Variants in MCF2L2 observed in about 807,000 individuals in gnomAD.
MCF2L2 encodes MCF.2 cell line derived transforming sequence-like 2.
Under a neutral mutation model 150.2 loss-of-function variants are expected in MCF2L2, and 102 were observed. The ratio of observed to expected loss-of-function variants is 0.68; its 90% CI spans 0.58 to 0.80. The LOEUF is 0.80. MCF2L2 is among the 30% of genes least tolerant of loss of function. The probability of loss-of-function intolerance (pLI) is 0.00; values close to 1 mark genes in which losing one functional copy is unlikely to be tolerated. For synonymous variants in MCF2L2, 465 were observed against 491.3 expected, an observed-to-expected ratio of 0.95 and a Z score of 0.71; for missense variants, 1,256 against 1,372.8, an observed-to-expected ratio of 0.91 and a Z score of 1.34.
chr3:183,316,903 AC>A (rs1169986243), intron 7 of MCF2L2, among the ~76,000 whole-genome samples: 2 of 144,348 alleles, frequency 1.4e-5, no homozygotes, highest in African/African-American at 5.2e-5. Flanking sequence ...ACAGGGTTTC[AC>A]CATGTTGGCC....
At chr3:183,367,231 T>C (rs544801078) in intron 3 of MCF2L2, among the ~76,000 whole-genome samples, 115 of 151,422 alleles carry the variant, frequency 7.6e-4, no homozygotes, top group African/African-American at 2.6e-3. Context: ...TTCTTTCTTT[T>C]TTTTTTTTTT....
chr3:183,295,580 T>G, intron 12 of MCF2L2, 103 bp from the exon 13 acceptor site: 2 of 1,138,036 alleles, frequency 1.8e-6, no homozygotes, highest in Non-Finnish European at 2.6e-6. Context: ...CCCCCATCCC[T>G]ACCTCCCTCA....
chr3:183,423,768 A>G (rs1716017499), intron 1 of MCF2L2, among the ~76,000 whole-genome samples: 1 of 150,658 alleles, frequency 6.6e-6, no homozygotes, highest in East Asian at 2.0e-4. Context: ...CCTCCCAAGT[A>G]GCTGGGATTA....
At chr3:183,348,970 G>GT (rs1731008011) in intron 3 of MCF2L2, among the ~76,000 whole-genome samples, 1 of 152,144 alleles carries the variant, frequency 6.6e-6, no homozygotes, top group South Asian at 2.1e-4. Flanking sequence ...CCAAAAATTA[G>GT]TAAGAACATA....
chr3:183,405,135 A>C (rs1443265176), intron 1 of MCF2L2, among the ~76,000 whole-genome samples: 6 of 152,218 alleles, frequency 3.9e-5, no homozygotes, highest in African/African-American at 1.4e-4. Context: ...TATTATACAT[A>C]TAAAGAAAGC....
At chr3:183,216,440 T>A (rs916567829) in intron 21 of MCF2L2, among the ~76,000 whole-genome samples, 5 of 141,848 alleles carry the variant, frequency 3.5e-5, no homozygotes, top group Non-Finnish European at 6.1e-5. Flanking sequence ...ATATAAATAT[T>A]TATATAGTAT....
chr3:183,203,280 C>T (rs941520689), intron 25 of MCF2L2, among the ~76,000 whole-genome samples: 2 of 151,956 alleles, frequency 1.3e-5, no homozygotes, highest in Admixed American at 6.6e-5. Flanking sequence ...CTTTACTAGA[C>T]CAATACTTTA....
At chr3:183,317,770 G>A (rs1010000413) in intron 7 of MCF2L2, among the ~76,000 whole-genome samples, 8 of 152,158 alleles carry the variant, frequency 5.3e-5, no homozygotes, top group Admixed American at 1.3e-4. Flanking sequence ...CAGCTCACCC[G>A]GACAAAGCTG....
intron 1 of MCF2L2, among the ~76,000 whole-genome samples, chr3:183,403,567 G>A (rs577698247): frequency 6.6e-6 from 1 of 152,310 alleles, no homozygotes; most frequent in East Asian, 1.9e-4. Flanking sequence ...GTCTCATTTG[G>A]TGAAGGGGCT....
chr3:183,221,757 G>A (rs1053502692), intron 20 of MCF2L2, among the ~76,000 whole-genome samples: 5 of 152,184 alleles, frequency 3.3e-5, no homozygotes, highest in Non-Finnish European at 5.9e-5. Context: ...GAAAGAAGCA[G>A]ATCATTATCC....
At position 183,198,943 on chromosome 3, in the gene MCF2L2, T is replaced by G. The variant is rs192162350; in HGVS notation, c.2885-3688A>C. Among the ~76,000 whole-genome samples the G allele has an allele frequency of 6.4e-4, 98 of 152,314 alleles. 1 individual carries two copies. The Middle Eastern group carries it at 0.014, about 21-fold the overall frequency. Reference sequence around the variant, plus strand: ...ACCATGACATATATTTAACATAATATTAATAGTTGTAAAACAAAAGTAAAC... The same window carrying G: ...ACCATGACATATATTTAACATAATAGTAATAGTTGTAAAACAAAAGTAAAC... On this transcript the variant is annotated intron_variant, in intron 25 of 29. Transcript: ENST00000328913.
chr3:183,179,829 G>A lies in MCF2L2; in HGVS notation c.3106-137C>T. 1.0e-5 allele frequency: 8 copies of A among 794,390 alleles called. No homozygotes were observed. The highest frequency in any genetic ancestry group is 8.3e-6 in the Non-Finnish European group (4 of 481,720). The allele number at this position is 794,390 out of a possible 1,614,324, so 49.2% of individuals were successfully genotyped here. ...CTGGGCCACGGGGCTCTCAGCGGGA[G>A]CCCCAGTTATGACCGGACACCAGCG... On this transcript the variant is annotated intron_variant, in intron 28 of 29. Coordinates refer to ENST00000328913, the MANE Select transcript of MCF2L2 (RefSeq NM_015078.4). This position sits in a 1 kb window ranked among gnomAD's most constrained non-coding sequence, Gnocchi z 4.2.
In MCF2L2 at chr3:183,180,392, C is replaced by G. The variant is rs530517506; in HGVS notation, c.3017-233G>C. On this transcript the variant is annotated intron_variant, in intron 27 of 29. Coordinates refer to ENST00000328913, the MANE Select transcript of MCF2L2 (RefSeq NM_015078.4). ...CGAGAAGGCGCGTCCACATGCTGTT[C>G]ATGGCCCTACCTCCCCGTTCCTCCA... 1.5e-5 allele frequency: 7 copies of G among 467,622 alleles called. No individual in the cohort carries two copies. In the Admixed American group the frequency reaches 2.7e-4, roughly 18 times the overall value. The allele number at this position is 467,622 out of a possible 1,614,324, so 29.0% of individuals were successfully genotyped here.
chr3:183,207,287 T>C (rs1327126955), intron 23 of MCF2L2, among the ~76,000 whole-genome samples: 2 of 152,240 alleles, frequency 1.3e-5, no homozygotes, highest in African/African-American at 4.8e-5. Context: ...ATCCAGCCCA[T>C]GTTCTCATCA....
At chr3:183,379,483 G>T in intron 2 of MCF2L2, 72 bp from the exon 3 acceptor site, 1 of 998,448 alleles carries the variant, frequency 1.0e-6, no homozygotes, top group Non-Finnish European at 1.5e-6. Flanking sequence ...GAAGTTGGGC[G>T]AAAGAATATC....
At chr3:183,340,762 G>A (rs1730663506) in intron 4 of MCF2L2, among the ~76,000 whole-genome samples, 1 of 152,010 alleles carries the variant, frequency 6.6e-6, no homozygotes. Context: ...AGTCAACATG[G>A]TGAAACCCCG....
intron 15 of MCF2L2, among the ~76,000 whole-genome samples, chr3:183,232,534 T>C (rs1723606850): frequency 6.6e-6 from 1 of 152,358 alleles, no homozygotes; most frequent in Middle Eastern, 3.4e-3. Context: ...TGAGTGTTTA[T>C]ACATGTGTCC....
At chr3:183,232,538 T>C (rs1337497926) in intron 15 of MCF2L2, among the ~76,000 whole-genome samples, 1 of 152,236 alleles carries the variant, frequency 6.6e-6, no homozygotes, top group Non-Finnish European at 1.5e-5. Flanking sequence ...TGTTTATACA[T>C]GTGTCCTTGT....
At chr3:183,369,921 T>C (rs1223891453) in intron 3 of MCF2L2, among the ~76,000 whole-genome samples, 1 of 152,222 alleles carries the variant, frequency 6.6e-6, no homozygotes. Flanking sequence ...ATTCACAAAT[T>C]TTATAGCTAA....
Sources: gnomAD v4.1 joint callset for allele counts (sites outside exome capture counted in the v4.1 genomes callset) on GRCh38, gnomAD v4.1.1 for gene constraint, Gnocchi (gnomAD v3.1) non-coding constraint, MANE v1.5 for transcripts, NCBI Gene and HGNC (gene_info 2026-07-23, HGNC 2026-07-21) for gene names.